CAMK4: variants seen among roughly 807,000 people sequenced by gnomAD.
CAMK4 encodes the protein calcium/calmodulin-dependent protein kinase type IV.
CAMK4 carries 22 observed loss-of-function variants against 44.9 expected under a neutral mutation model. The ratio of observed to expected loss-of-function variants is 0.49; its 90% CI spans 0.35 to 0.70. The LOEUF (loss-of-function observed/expected upper bound fraction) is 0.70. CAMK4 is among the 30% of genes least tolerant of loss of function. CAMK4 has a pLI of 0.01. For synonymous variants in CAMK4, 218 were observed against 215.4 expected, an observed-to-expected ratio of 1.01 and a Z score of -0.11; for missense variants, 498 against 586.8, an observed-to-expected ratio of 0.85 and a Z score of 1.56.
intron 7 of CAMK4, among the ~76,000 whole-genome samples, chr5:111,459,215 A>T (rs1754547396): frequency 6.6e-6 from 1 of 152,194 alleles, no homozygotes; most frequent in Admixed American, 6.5e-5. Context: ...GAGAAGGAAC[A>T]TTTATTATTT....
At chr5:111,362,416 T>C (rs532385411) in intron 2 of CAMK4, among the ~76,000 whole-genome samples, 2 of 149,996 alleles carry the variant, frequency 1.3e-5, no homozygotes, top group Admixed American at 1.3e-4. Context: ...TAGATATTCA[T>C]AAAATTTTTA....
At position 111,425,707 on chromosome 5, in the gene CAMK4, G is replaced by A. The variant is rs562828805; in HGVS notation, c.460-20979G>A. 2.6e-5 allele frequency among the ~76,000 whole-genome samples: 4 copies of A among 152,208 alleles called. No homozygotes were observed. In the South Asian group the frequency reaches 8.3e-4, roughly 32 times the overall value. ...CATTGAAGAATTTATTAACTTATTA[G>A]CTTTGCAAAATCTTATTCCCCATAA... On this transcript the variant is annotated intron_variant, in intron 5 of 10. Coordinates refer to ENST00000282356, the MANE Select transcript of CAMK4 (RefSeq NM_001744.6).
At chr5:111,422,254 C>G (rs1191387023) in intron 5 of CAMK4, among the ~76,000 whole-genome samples, 2 of 152,184 alleles carry the variant, frequency 1.3e-5, no homozygotes, top group Non-Finnish European at 1.5e-5. Context: ...TTTCTTCTAC[C>G]TAGAGGTCTA....
chr5:111,284,900 T>C (rs2112612255), intron 1 of CAMK4, among the ~76,000 whole-genome samples: 1 of 152,282 alleles, frequency 6.6e-6, no homozygotes, highest in East Asian at 1.9e-4. Context: ...GATATCTCCT[T>C]CTAAAATTAT....
chr5:111,368,704 A>G (rs922816805), intron 2 of CAMK4, among the ~76,000 whole-genome samples: 2 of 152,004 alleles, frequency 1.3e-5, no homozygotes, highest in African/African-American at 4.8e-5. Context: ...TTCCTTGGTC[A>G]TCATTACTTA....
intron 2 of CAMK4, among the ~76,000 whole-genome samples, chr5:111,361,650 C>T (rs1272787900): frequency 6.6e-6 from 1 of 151,970 alleles, no homozygotes; most frequent in Non-Finnish European, 1.5e-5. Flanking sequence ...AGATGTGACC[C>T]TGGTGGTTGA....
chr5:111,418,806 A>T lies in CAMK4; in HGVS notation c.459+24024A>T, dbSNP rs149934752. On this transcript the variant is annotated intron_variant, in intron 5 of 10. Coordinates refer to ENST00000282356, the MANE Select transcript of CAMK4 (RefSeq NM_001744.6). ...TTTATGGCTGCATAGTATTCCATGG[A>T]GTATATGGGCCACATTTTCTTAATC... Among the ~76,000 whole-genome samples the T allele has an allele frequency of 7.2e-3, 1,099 of 152,126 alleles. 10 individuals are homozygous for T. Among genetic ancestry groups the T allele is most frequent in the African/African-American group, 0.025 (1,034 of 41,494 alleles).
chr5:111,236,452 G>T (rs1325229472), intron 1 of CAMK4, among the ~76,000 whole-genome samples: 2 of 152,256 alleles, frequency 1.3e-5, no homozygotes, highest in Admixed American at 1.3e-4. Flanking sequence ...TGAGCCTGAG[G>T]CTCAGAATGG....
At chr5:111,452,136 ACAGGGCATTCTTTGT>A (rs1754260175) in intron 7 of CAMK4, among the ~76,000 whole-genome samples, 1 of 152,246 alleles carries the variant, frequency 6.6e-6, no homozygotes, top group East Asian at 1.9e-4. Flanking sequence ...AGAAGTGGCC[ACAGGGCATTCTTTGT>A]CAGTGGGTAC....
rs1755978671 is a variant in CAMK4 at position 111,494,260 on chromosome 5, G to T, written c.*9794G>T. 1 of 152,118 alleles carries T rather than the reference G, an allele frequency of 6.6e-6. No homozygotes were observed. The highest frequency in any genetic ancestry group is 2.4e-5 in the African/African-American group (1 of 41,424). The allele number at this position is 152,118 out of a possible 1,614,324, so 9.4% of individuals were successfully genotyped here. ...TTAAGTTTACACAACCAAGATTATA[G>T]GCTACCTTCCCAACTTCTAATTTGA... On this transcript the variant is annotated 3_prime_UTR_variant, in exon 11 of 11. Coordinates refer to ENST00000282356, the MANE Select transcript of CAMK4 (RefSeq NM_001744.6).
At chr5:111,409,279 C>T (rs1228740444) in intron 5 of CAMK4, among the ~76,000 whole-genome samples, 1 of 152,248 alleles carries the variant, frequency 6.6e-6, no homozygotes, top group Non-Finnish European at 1.5e-5. Context: ...TTCTTGACTT[C>T]TGTGCACCCA....
chr5:111,228,882 C>T (rs1023117767), intron 1 of CAMK4, among the ~76,000 whole-genome samples: 1 of 152,150 alleles, frequency 6.6e-6, no homozygotes, highest in African/African-American at 2.4e-5. Context: ...GATTTTTCCC[C>T]TTCTAAACAT....
chr5:111,353,895 T>A (rs2112778061), intron 2 of CAMK4, among the ~76,000 whole-genome samples: 1 of 152,254 alleles, frequency 6.6e-6, no homozygotes, highest in East Asian at 1.9e-4. Flanking sequence ...AGAATTAATA[T>A]TGCCAAAGTG....
At chr5:111,299,377 G>A (rs777897656) in intron 1 of CAMK4, among the ~76,000 whole-genome samples, 6 of 151,982 alleles carry the variant, frequency 3.9e-5, no homozygotes, top group Non-Finnish European at 7.4e-5. Flanking sequence ...AAGGCATGTC[G>A]AAACTCTCTG....
chr5:111,472,196 C>T (rs922448455), intron 7 of CAMK4, among the ~76,000 whole-genome samples: 3 of 151,980 alleles, frequency 2.0e-5, no homozygotes, highest in Non-Finnish European at 4.4e-5. Flanking sequence ...TGCCCAGCCC[C>T]AGAGCTCATC....
rs1755531487 is a variant in CAMK4 at position 111,484,190 on chromosome 5, GGCCCAA to G, written c.1150_1155del (p.Gln384_Ala385del). ...AAGGAGAGAAAATTCAAGGCGATGG[GGCCCAA>G]GCCGCAGTTAAGGGGGCACAGGCTG... On this transcript the variant is annotated inframe_deletion, in exon 11 of 11. Coordinates refer to ENST00000282356, the MANE Select transcript of CAMK4 (RefSeq NM_001744.6). This position sits in a 1 kb window ranked among gnomAD's most constrained non-coding sequence, Gnocchi z 5.3. The G allele has an allele frequency of 4.3e-6, 7 of 1,614,118 alleles. No homozygotes were observed. The African/African-American group carries it at 5.3e-5, about 12-fold the overall frequency.
At chr5:111,282,568 C>T (rs1407122053) in intron 1 of CAMK4, among the ~76,000 whole-genome samples, 1 of 152,074 alleles carries the variant, frequency 6.6e-6, no homozygotes, top group Non-Finnish European at 1.5e-5. Flanking sequence ...CTGTAATTAG[C>T]TTTGTGTGTT....
chr5:111,283,607 C>T (rs1751112292), intron 1 of CAMK4, among the ~76,000 whole-genome samples: 1 of 152,202 alleles, frequency 6.6e-6, no homozygotes, highest in African/African-American at 2.4e-5. Context: ...TTTCAAATAA[C>T]AATCAGAATT....
intron 5 of CAMK4, among the ~76,000 whole-genome samples, chr5:111,442,462 A>G (rs553235473): frequency 1.3e-5 from 2 of 151,598 alleles, no homozygotes; most frequent in East Asian, 3.9e-4. Flanking sequence ...GCACCACTGC[A>G]CTCCAGCCTG....
Sources: gnomAD v4.1 joint callset for allele counts (sites outside exome capture counted in the v4.1 genomes callset) on GRCh38, gnomAD v4.1.1 for gene constraint, Gnocchi (gnomAD v3.1) non-coding constraint, MANE v1.5 for transcripts, NCBI Gene and HGNC (gene_info 2026-07-23, HGNC 2026-07-21) for gene names.